The following MYMK variants were observed in gnomAD, a reference collection of about 807,000 sequenced individuals.
MYMK encodes protein myomaker.
MYMK carries 16 observed loss-of-function variants against 22.4 expected under a neutral mutation model. The observed-to-expected ratio is 0.72, with a 90% CI of 0.48 to 1.09. MYMK has a LOEUF of 1.09. MYMK is among the 50% of genes least tolerant of loss of function. MYMK has a pLI of 0.00. For missense variants in MYMK, 250 were observed against 295.6 expected (o/e 0.85, Z 1.13); for synonymous variants, 125 against 127.0 (o/e 0.98, Z 0.11).
intron 1 of MYMK, among the ~76,000 whole-genome samples, chr9:133,522,665 G>T (rs577801530): frequency 6.6e-6 from 1 of 152,300 alleles, no homozygotes; most frequent in South Asian, 2.1e-4. Flanking sequence ...TGGTTTGCTG[G>T]GCTAGGTCTA....
At chr9:133,520,116 G>A (rs974726369) in intron 2 of MYMK, 58 bp downstream of exon 2, 84 of 1,391,186 alleles carry the variant, frequency 6.0e-5, no homozygotes, top group Admixed American at 1.3e-4. Context: ...CTGGGTGTGC[G>A]GACACTGGGG....
intron 1 of MYMK, among the ~76,000 whole-genome samples, chr9:133,521,355 C>T (rs1564485269): frequency 6.6e-6 from 1 of 152,188 alleles, no homozygotes; most frequent in Admixed American, 6.5e-5. Flanking sequence ...GCGGGAGGAG[C>T]AGGCGTGCTG....
At chr9:133,518,803 G>T in intron 3 of MYMK, 71 bp downstream of exon 3, 1 of 1,551,716 alleles carries the variant, frequency 6.4e-7, no homozygotes, top group South Asian at 1.2e-5. Flanking sequence ...ATCCGAGGCA[G>T]GAGGAGTCAG....
At chr9:133,516,811 T>G (rs1488582912) in intron 3 of MYMK, among the ~76,000 whole-genome samples, 2 of 152,050 alleles carry the variant, frequency 1.3e-5, no homozygotes, top group African/African-American at 4.8e-5. Context: ...CCTGGCACTA[T>G]TGAAAGGGCG....
chr9:133,518,954 G>C lies in MYMK; in HGVS notation c.319C>G (p.Arg107Gly). 1.2e-6 allele frequency: 2 copies of C among 1,613,986 alleles called. No individual in the cohort carries two copies. Among genetic ancestry groups the C allele is most frequent in the Admixed American group, 1.7e-5 (1 of 60,016 alleles). The change falls in exon 3 of 5, where the codon CGG (arginine) becomes GGG (glycine). Residue 107 changes from arginine (R) to glycine (G), a missense_variant. Coordinates refer to ENST00000339996, the MANE Select transcript of MYMK (RefSeq NM_001080483.3). ...VMFGVLTIAVRIYHDRWGYGV... is the reference protein window; with the variant it reads ...VMFGVLTIAVGIYHDRWGYGV... ...TAGCCCCATCGGTCATGGTAGATCC[G>C]CACAGCAATGGTCAGGACGCCGAAC...
intron 3 of MYMK, among the ~76,000 whole-genome samples, chr9:133,517,875 G>A (rs1393563277): frequency 6.6e-6 from 1 of 152,202 alleles, no homozygotes; most frequent in Non-Finnish European, 1.5e-5. Context: ...GGGCCCTCCT[G>A]CACTGAGAGC....
At position 133,520,224 on chromosome 9, in the gene MYMK, T is replaced by G. The variant is rs760950418; in HGVS notation, c.200A>C (p.Glu67Ala). The stretch of plus-strand genomic sequence containing the variant: ...GGCTGTCCCGTAGACACTGAAATAC[T>G]CCAGGATGTCGTGACGCATGAAGCA... ...VLCFMRHDILEYFSVYGTALS... is the reference protein window; with the variant it reads ...VLCFMRHDILAYFSVYGTALS... Residue 67 changes from glutamate to alanine, a missense_variant, in exon 2 of 5, where the codon GAG becomes GCG. Transcript: ENST00000339996. 2.5e-6 allele frequency: 4 copies of G among 1,613,948 alleles called. No homozygotes were observed. In the Admixed American group the frequency reaches 5.0e-5, roughly 20 times the overall value.
At chr9:133,521,478 A>T (rs973934216) in intron 1 of MYMK, among the ~76,000 whole-genome samples, 1 of 152,120 alleles carries the variant, frequency 6.6e-6, no homozygotes, top group African/African-American at 2.4e-5. Flanking sequence ...ACTGATGGCA[A>T]TTGTACACGG....
intron 1 of MYMK, among the ~76,000 whole-genome samples, chr9:133,522,239 G>A (rs1361349782): frequency 6.6e-6 from 1 of 152,220 alleles, no homozygotes; most frequent in Non-Finnish European, 1.5e-5. Flanking sequence ...CCCAGCCGGG[G>A]CACTGGTGGG....
chr9:133,523,682 G>GGAGAGAGAGAGAGA lies in MYMK; in HGVS notation c.135+1014_135+1027dup, dbSNP rs35845164. Among the ~76,000 whole-genome samples the GGAGAGAGAGAGAGA allele has an allele frequency of 3.2e-3, 387 of 121,506 alleles. 7 individuals are homozygous for GGAGAGAGAGAGAGA. Among genetic ancestry groups the GGAGAGAGAGAGAGA allele is most frequent in the African/African-American group, 8.7e-3 (260 of 29,944 alleles). 79.7% of individuals were successfully genotyped at this position (121,506 alleles called of 152,430 possible). ...TGGATGCGTAGATAGAGAGATAGAT[G>GGAGAGAGAGAGAGA]GAGAGAGAGAGAGAGAGAGAGAGAG... is the stretch of plus-strand genomic sequence containing the variant. On this transcript the variant is annotated intron_variant, in intron 1 of 4. Transcript: ENST00000339996.
chr9:133,520,195 T>G lies in MYMK; in HGVS notation c.229A>C (p.Ser77Arg), dbSNP rs749187659. 1.9e-6 allele frequency: 3 copies of G among 1,613,942 alleles called. No individual in the cohort carries two copies. The highest frequency in any genetic ancestry group is 2.5e-6 in the Non-Finnish European group (3 of 1,179,976). Reference sequence around the variant, plus strand: ...TCACCCATCAGCGAGACCCACATGCTCAGGGCTGTCCCGTAGACACTGAAA... The same window carrying G: ...TCACCCATCAGCGAGACCCACATGCGCAGGGCTGTCCCGTAGACACTGAAA... ...EYFSVYGTAL[S>R]MWVSLMALAD... The change falls in exon 2 of 5, where the codon AGC (serine) becomes CGC (arginine). Residue 77 changes from serine (S) to arginine (R), a missense_variant. By Grantham distance (110) the Ser-to-Arg change is moderately radical (BLOSUM62 -1). Transcript: ENST00000339996.
rs1475385847 is a variant in MYMK at position 133,517,994 on chromosome 9, C to T, written c.399+880G>A. ...GCACTTGAAACTGACCCTGAGACTTCAGGTCCACTCCAAAGAGGTGAAATG... is the reference window on the plus strand; with the variant it reads ...GCACTTGAAACTGACCCTGAGACTTTAGGTCCACTCCAAAGAGGTGAAATG... On this transcript the variant is annotated intron_variant, in intron 3 of 4. Coordinates refer to ENST00000339996, the MANE Select transcript of MYMK (RefSeq NM_001080483.3). Among the ~76,000 whole-genome samples the T allele has an allele frequency of 2.6e-5, 4 of 152,360 alleles. No homozygotes were observed. In the East Asian group the frequency reaches 7.7e-4, roughly 29 times the overall value.
At chr9:133,516,157 C>T (rs978273306) in intron 3 of MYMK, among the ~76,000 whole-genome samples, 4 of 152,236 alleles carry the variant, frequency 2.6e-5, no homozygotes, top group Non-Finnish European at 1.5e-5. Context: ...CTCGCGTGGG[C>T]GTTTCCACTT....
chr9:133,517,623 G>A (rs1255674363), intron 3 of MYMK, among the ~76,000 whole-genome samples: 4 of 149,392 alleles, frequency 2.7e-5, no homozygotes, highest in Non-Finnish European at 4.4e-5. Context: ...CCAAGATGGC[G>A]CCATTGCACT....
In MYMK at chr9:133,518,922, C is replaced by T; in HGVS notation, c.351G>A (p.Val117=). 7.4e-6 allele frequency: 12 copies of T among 1,613,768 alleles called. No homozygotes were observed. The highest frequency in any genetic ancestry group is 1.0e-5 in the Non-Finnish European group (12 of 1,179,984). The change falls in exon 3 of 5, where the codon GTG becomes GTA. Residue 117 remains valine (V), a synonymous_variant. Transcript: ENST00000339996. ...TGGCTGTGCCGATGGGGCCCGAGTA[C>T]ACCCCGTAGCCCCATCGGTCATGGT... ...RIYHDRWGYG[V]YSGPIGTAIL...
chr9:133,520,516 G>C (rs181824824), intron 1 of MYMK, among the ~76,000 whole-genome samples: 5 of 152,348 alleles, frequency 3.3e-5, no homozygotes, highest in Non-Finnish European at 5.9e-5. Flanking sequence ...GTGTTTAGGG[G>C]CTGGGGTGTG....
intron 2 of MYMK, 117 bp from the exon 3 acceptor site, chr9:133,519,139 C>A: frequency 7.5e-7 from 1 of 1,325,132 alleles, no homozygotes. Context: ...TCGGTGTCCC[C>A]TCAGCCAGCG....
intron 2 of MYMK, 142 bp from the exon 3 acceptor site, chr9:133,519,164 A>C (rs1234372855): frequency 1.9e-6 from 2 of 1,043,244 alleles, no homozygotes; most frequent in Admixed American, 2.6e-5. Flanking sequence ...CCTGAGGCCC[A>C]GCCTGGTCAT....
rs551852792 is a variant in MYMK at position 133,515,538 on chromosome 9, C to T, written c.469G>A (p.Gly157Ser). Reference protein sequence around the residue: ...KSVYTQQIGPGLCFGALALML... With the variant: ...KSVYTQQIGPSLCFGALALML... ...AGGGCCAGCGCCCCGAAGCAGAGGCCGGGGCCTATCTGCTGGGTGTAGACG... is the reference window on the plus strand; with the variant it reads ...AGGGCCAGCGCCCCGAAGCAGAGGCTGGGGCCTATCTGCTGGGTGTAGACG... Residue 157 changes from glycine to serine, a missense_variant, in exon 4 of 5, where the codon GGC becomes AGC. Transcript: ENST00000339996. This position sits in a 1 kb window ranked among gnomAD's most constrained non-coding sequence, Gnocchi z 5.8. 9 of 1,614,056 alleles carry T rather than the reference C, an allele frequency of 5.6e-6. No homozygotes were observed. Among genetic ancestry groups the T allele is most frequent in the African/African-American group, 2.7e-5 (2 of 75,070 alleles).
Sources: gnomAD v4.1 joint callset for allele counts (sites outside exome capture counted in the v4.1 genomes callset) on GRCh38, gnomAD v4.1.1 for gene constraint, Gnocchi (gnomAD v3.1) non-coding constraint, MANE v1.5 for transcripts, NCBI Gene and HGNC (gene_info 2026-07-23, HGNC 2026-07-21) for gene names.